Variants in PTPN13 observed in about 807,000 individuals in gnomAD.
PTPN13 encodes the protein tyrosine-protein phosphatase non-receptor type 13.
PTPN13 carries 191 observed loss-of-function variants against 284.0 expected under a neutral mutation model. The observed-to-expected ratio is 0.67, with a 90% CI of 0.60 to 0.76. PTPN13 has a LOEUF of 0.76. PTPN13 is among the 30% of genes least tolerant of loss of function. PTPN13 has a pLI of 0.00. For synonymous variants in PTPN13, 986 were observed against 1,022.3 expected, an observed-to-expected ratio of 0.96 and a Z score of 0.68; for missense variants, 2,797 against 2,939.9, an observed-to-expected ratio of 0.95 and a Z score of 1.12.
chr4:86,718,217 C>G (rs1733241293), intron 9 of PTPN13, among the ~76,000 whole-genome samples: 1 of 152,046 alleles, frequency 6.6e-6, no homozygotes. Context: ...TGTGGGAATC[C>G]TTTCTAATTC....
At chr4:86,801,005 C>G (rs2149365732) in intron 42 of PTPN13, among the ~76,000 whole-genome samples, 1 of 152,326 alleles carries the variant, frequency 6.6e-6, no homozygotes, top group East Asian at 1.9e-4. Flanking sequence ...CTGCCTATAT[C>G]TTAGCTGCAT....
At chr4:86,632,274 T>C (rs979652383) in intron 1 of PTPN13, among the ~76,000 whole-genome samples, 1 of 152,238 alleles carries the variant, frequency 6.6e-6, no homozygotes, top group Non-Finnish European at 1.5e-5. Context: ...TGTGATTAGC[T>C]TCTCTTTTTG....
chr4:86,799,866 C>T (rs190290992), intron 42 of PTPN13, among the ~76,000 whole-genome samples: 4 of 116,616 alleles, frequency 3.4e-5, no homozygotes, highest in South Asian at 3.1e-4. Flanking sequence ...GACAGAGTCT[C>T]TCTCTGTCGT....
chr4:86,761,786 AGG>A (rs2149245851), intron 23 of PTPN13, among the ~76,000 whole-genome samples: 1 of 152,302 alleles, frequency 6.6e-6, no homozygotes, highest in Admixed American at 6.5e-5. Context: ...TTTGTATATT[AGG>A]GATACTAATT....
intron 2 of PTPN13, among the ~76,000 whole-genome samples, chr4:86,659,262 A>G (rs1015839334): frequency 1.3e-5 from 2 of 152,180 alleles, no homozygotes; most frequent in African/African-American, 4.8e-5. Flanking sequence ...CCAGTATGAA[A>G]AAGTGTTAAT....
intron 2 of PTPN13, among the ~76,000 whole-genome samples, chr4:86,666,403 C>T (rs1422974068): frequency 1.3e-5 from 2 of 152,096 alleles, no homozygotes; most frequent in African/African-American, 4.8e-5. Flanking sequence ...TCTTCTCTCT[C>T]TTCTCTCTCT....
chr4:86,638,629 T>G (rs1171625260), intron 2 of PTPN13, among the ~76,000 whole-genome samples: 1 of 152,198 alleles, frequency 6.6e-6, no homozygotes, highest in Non-Finnish European at 1.5e-5. Context: ...TAGCCATATG[T>G]AGAAAGCTGA....
intron 1 of PTPN13, among the ~76,000 whole-genome samples, chr4:86,613,422 T>G (rs768485276): frequency 5.9e-5 from 9 of 151,868 alleles, no homozygotes; most frequent in Non-Finnish European, 8.8e-5. Flanking sequence ...GATCACGAAG[T>G]CAGGAGATCG....
chr4:86,688,282 G>A (rs960330144), intron 4 of PTPN13, among the ~76,000 whole-genome samples: 1 of 152,158 alleles, frequency 6.6e-6, no homozygotes, highest in Non-Finnish European at 1.5e-5. Context: ...CAGCTTGGAT[G>A]TGAGTTTTAA....
At chr4:86,641,561 G>C (rs554246467) in intron 2 of PTPN13, among the ~76,000 whole-genome samples, 34 of 152,288 alleles carry the variant, frequency 2.2e-4, no homozygotes, top group Admixed American at 2.2e-3. Flanking sequence ...ATTATTCATA[G>C]GATAATGATA....
At chr4:86,691,100 G>A (rs1168879164) in intron 5 of PTPN13, among the ~76,000 whole-genome samples, 2 of 152,016 alleles carry the variant, frequency 1.3e-5, no homozygotes, top group Non-Finnish European at 2.9e-5. Flanking sequence ...GGTGATGCAT[G>A]CCTTTAGTCC....
Position 86,775,580 on chromosome 4 carries a change from A to G in PTPN13, c.5819A>G (p.Gln1940Arg), listed in dbSNP as rs558241173. The G allele has an allele frequency of 3.1e-6, 5 of 1,613,754 alleles. No homozygotes were observed. The South Asian group carries it at 5.5e-5, about 18-fold the overall frequency. The change falls in exon 35 of 48, where the codon CAA (glutamine) becomes CGA (arginine). Residue 1940 changes from glutamine (Q) to arginine (R), a missense_variant. Transcript: ENST00000411767. ...CATTATGTGAACGGAGTCAGCACAC[A>G]AGGAATGACCTTGGAGGAAGTTAAC... is the stretch of plus-strand genomic sequence containing the variant. Reference protein sequence around the residue: ...VIHYVNGVSTQGMTLEEVNRA... With the variant: ...VIHYVNGVSTRGMTLEEVNRA...
At chr4:86,681,709 C>T (rs1387127533) in intron 3 of PTPN13, among the ~76,000 whole-genome samples, 1 of 152,180 alleles carries the variant, frequency 6.6e-6, no homozygotes, top group Non-Finnish European at 1.5e-5. Flanking sequence ...AGGCAGATCA[C>T]CTGAGGTCAG....
At chr4:86,598,490 T>C (rs1578224885) in intron 1 of PTPN13, among the ~76,000 whole-genome samples, 1 of 151,912 alleles carries the variant, frequency 6.6e-6, no homozygotes, top group Admixed American at 6.6e-5. Flanking sequence ...GCAAATGTGG[T>C]TTAAGTGCAA....
Position 86,784,561 on chromosome 4 carries a change from A to G in PTPN13, c.6118+3A>G. 1 of 1,592,012 alleles carries G rather than the reference A, an allele frequency of 6.3e-7. No individual in the cohort carries two copies. The highest frequency in any genetic ancestry group is 8.6e-7 in the Non-Finnish European group (1 of 1,167,146). ...ACCAAACTTGACTCTGCCCAAAGGT[A>G]GTTTTCCAAATCAGTCATCTAATTA... On this transcript the variant is annotated splice_donor_region_variant and intron_variant, in intron 38 of 47. Transcript: ENST00000411767.
intron 2 of PTPN13, among the ~76,000 whole-genome samples, chr4:86,638,444 G>A (rs1483283686): frequency 6.6e-6 from 1 of 152,154 alleles, no homozygotes; most frequent in African/African-American, 2.4e-5. Flanking sequence ...CAAGGCTACA[G>A]TAACCAAAAC....
chr4:86,716,686 A>G lies in PTPN13; in HGVS notation c.1291+61A>G, dbSNP rs184849657. 3.8e-3 allele frequency: 4,307 copies of G among 1,147,800 alleles called. 19 individuals are homozygous for G. The highest frequency in any genetic ancestry group is 4.7e-3 in the Non-Finnish European group (3,801 of 808,916). 71.1% of individuals were successfully genotyped at this position (1,147,800 alleles called of 1,614,324 possible). ...GAAACCACGATTATTATTATTTTCA[A>G]TAGTGTTCAAATATTAATATAAATT... On this transcript the variant is annotated intron_variant, in intron 8 of 47. Coordinates refer to ENST00000411767, the MANE Select transcript of PTPN13 (RefSeq NM_080683.3).
At chr4:86,659,685 G>A (rs13125758) in intron 2 of PTPN13, among the ~76,000 whole-genome samples, 4,501 of 152,030 alleles carry the variant, frequency 0.03, 96 homozygotes, top group Non-Finnish European at 0.043. Flanking sequence ...GCATGGTGGT[G>A]CACGCCTGTA....
chr4:86,798,998 T>G, intron 41 of PTPN13, 103 bp from the exon 42 acceptor site: 1 of 695,068 alleles, frequency 1.4e-6, no homozygotes, highest in Non-Finnish European at 2.3e-6. Flanking sequence ...TTAGACATTC[T>G]ATTTTAAAAT....
Sources: allele counts gnomAD v4.1 joint callset (sites outside exome capture counted in the v4.1 genomes callset), GRCh38; gene constraint gnomAD v4.1.1; transcripts MANE v1.5; gene names NCBI Gene and HGNC (gene_info 2026-07-23, HGNC 2026-07-21).